The following MALRD1 variants were observed in gnomAD, a reference collection of about 807,000 sequenced individuals.
The protein encoded by MALRD1 is MAM and LDL-receptor class A domain-containing protein 1.
A neutral mutation model predicts 242.1 loss-of-function variants in MALRD1; 247 were observed. That is an observed-to-expected ratio of 1.02 (90% CI 0.92 to 1.13). MALRD1 has a LOEUF of 1.13. Ranked by LOEUF, MALRD1 falls within the 50% of genes most tolerant of loss-of-function variation. The probability of loss-of-function intolerance (pLI) is 0.00; values close to 1 mark genes in which losing one functional copy is unlikely to be tolerated. For missense variants in MALRD1, 2,989 were observed against 2,533.1 expected, an observed-to-expected ratio of 1.18 and a Z score of -3.86; for synonymous variants, 995 against 866.6, an observed-to-expected ratio of 1.15 and a Z score of -2.60.
intron 28 of MALRD1, among the ~76,000 whole-genome samples, chr10:19,448,880 C>A (rs1835152408): frequency 6.6e-6 from 1 of 151,840 alleles, no homozygotes; most frequent in Non-Finnish European, 1.5e-5. Flanking sequence ...TATCACTTTT[C>A]CTCCTAACTG....
chr10:19,283,653 G>A (rs1364618452), intron 21 of MALRD1, among the ~76,000 whole-genome samples: 3 of 151,708 alleles, frequency 2.0e-5, no homozygotes, highest in Non-Finnish European at 1.5e-5. Context: ...ACAGGTAAAT[G>A]TGCAGATTTT....
intron 33 of MALRD1, among the ~76,000 whole-genome samples, chr10:19,590,942 T>G (rs933983329): frequency 6.6e-6 from 1 of 152,206 alleles, no homozygotes; most frequent in African/African-American, 2.4e-5. Context: ...CTCTTTGTGT[T>G]GAAAGTTCTG....
intron 18 of MALRD1, among the ~76,000 whole-genome samples, chr10:19,243,499 A>C (rs1269472991): frequency 6.6e-6 from 1 of 152,136 alleles, no homozygotes; most frequent in African/African-American, 2.4e-5. Context: ...TTGAAGCAGA[A>C]TTTTTGTTGC....
At chr10:19,213,888 A>T (rs7070471) in intron 18 of MALRD1, among the ~76,000 whole-genome samples, 1 of 151,956 alleles carries the variant, frequency 6.6e-6, no homozygotes, top group Admixed American at 6.5e-5. Context: ...ACCAGTTCTC[A>T]TTTTAGAGCT....
intron 36 of MALRD1, among the ~76,000 whole-genome samples, chr10:19,631,272 A>G (rs1639982192): frequency 6.6e-6 from 1 of 152,102 alleles, no homozygotes; most frequent in African/African-American, 2.4e-5. Context: ...GCATTAGTTT[A>G]CTAAGGATGA....
intron 26 of MALRD1, among the ~76,000 whole-genome samples, chr10:19,386,119 C>T (rs1264019083): frequency 6.6e-6 from 1 of 152,110 alleles, no homozygotes. Flanking sequence ...TTCAATGTGG[C>T]ATTCCATTCA....
chr10:19,715,385 G>T (rs1834336627), intron 38 of MALRD1, among the ~76,000 whole-genome samples: 1 of 150,268 alleles, frequency 6.7e-6, no homozygotes, highest in South Asian at 2.1e-4. Flanking sequence ...TATATTTAAA[G>T]TATATATATA....
intron 21 of MALRD1, among the ~76,000 whole-genome samples, chr10:19,305,081 T>C (rs1842106296): frequency 6.6e-6 from 1 of 151,690 alleles, no homozygotes; most frequent in African/African-American, 2.4e-5. Flanking sequence ...CTGAATGACT[T>C]TATCAACTGA....
At chr10:19,520,309 TAA>T (rs554149081) in intron 31 of MALRD1, among the ~76,000 whole-genome samples, 3 of 143,278 alleles carry the variant, frequency 2.1e-5, no homozygotes. Context: ...GTTTGTTTTC[TAA>T]AAAAAAAAAA....
At chr10:19,187,818 G>A (rs1232186403) in intron 14 of MALRD1, among the ~76,000 whole-genome samples, 2 of 152,168 alleles carry the variant, frequency 1.3e-5, no homozygotes, top group African/African-American at 4.8e-5. Context: ...GGAGGGTGGA[G>A]AGGTGGGTAG....
intron 4 of MALRD1, among the ~76,000 whole-genome samples, chr10:19,093,601 A>G (rs1588531538): frequency 6.0e-5 from 1 of 16,732 alleles, no homozygotes; most frequent in African/African-American, 2.8e-4. Context: ...CGTCAAAATC[A>G]TTCTCCATCC....
At chr10:19,252,943 C>T (rs1445561915) in intron 18 of MALRD1, among the ~76,000 whole-genome samples, 1 of 151,912 alleles carries the variant, frequency 6.6e-6, no homozygotes, top group African/African-American at 2.4e-5. Context: ...ATAGTTCCCT[C>T]AGTATTGGCC....
chr10:19,064,228 A>G (rs1011839703), intron 1 of MALRD1, among the ~76,000 whole-genome samples: 1 of 152,014 alleles, frequency 6.6e-6, no homozygotes, highest in African/African-American at 2.4e-5. Flanking sequence ...CCTGTATAGC[A>G]CTCCTAATTG....
chr10:19,604,407 A>C (rs1322987183), intron 34 of MALRD1, among the ~76,000 whole-genome samples: 1 of 152,180 alleles, frequency 6.6e-6, no homozygotes, highest in Admixed American at 6.5e-5. Context: ...CTCCAGCCTA[A>C]TCTATGGCAA....
rs771042290 is a variant in MALRD1, at chr10:19,692,454, C to A, written c.6218-4C>A. On this transcript the variant is annotated splice_region_variant and splice_polypyrimidine_tract_variant and intron_variant, in intron 37 of 39. Transcript: ENST00000454679. ...TTATCTTTTTCTTTGGTTTAAAATT[C>A]CAGATACATGGACTCTCCTGGGTAT... 4 of 1,534,932 alleles carry A rather than the reference C, an allele frequency of 2.6e-6. No homozygotes were observed. The highest frequency in any genetic ancestry group is 2.4e-5 in the South Asian group (2 of 83,942).
Position 19,530,388 on chromosome 10 carries a change from A to AAAT in MALRD1, c.5321-806_5321-805insAAT, listed in dbSNP as rs1834320399. Among the ~76,000 whole-genome samples, 34 of 78,066 alleles carry AAAT rather than the reference A, an allele frequency of 4.4e-4. 2 individuals carry two copies. The South Asian group carries it at 0.013, about 29-fold the overall frequency. The allele number at this position is 78,066 out of a possible 152,430, so 51.2% of individuals were successfully genotyped here. A position where few individuals can be genotyped will look rare whatever the true frequency, so the allele number is the denominator to read the frequency against. On this transcript the variant is annotated intron_variant, in intron 31 of 39. Transcript: ENST00000454679. ...ATAAATATTTATATAAATATTATAT[A>AAAT]TTTATATAAATATTATATATTTATA...
rs914550715 is a variant in MALRD1 at position 19,209,658 on chromosome 10, T to G, written c.2969T>G (p.Ile990Ser). 6.5e-7 allele frequency: 1 copy of G among 1,549,366 alleles called. No homozygotes were observed. Reference sequence around the variant, plus strand: ...AGATGGATTAGGAAACACCTCAACATTTCCAGCAGGCAGCCCTTTCAGGTA... The same window carrying G: ...AGATGGATTAGGAAACACCTCAACAGTTCCAGCAGGCAGCCCTTTCAGGTA... ...GNRWIRKHLN[I>S]SSRQPFQILV... Residue 990 changes from isoleucine (I) to serine (S), a missense_variant, in exon 18 of 40, where the codon ATT becomes AGT. Ile to Ser is a moderately radical substitution (Grantham distance 142, BLOSUM62 -2). Transcript: ENST00000454679.
chr10:19,554,487 A>G (rs978678962), intron 32 of MALRD1, among the ~76,000 whole-genome samples: 7 of 152,076 alleles, frequency 4.6e-5, no homozygotes, highest in Admixed American at 6.6e-5. Context: ...CTATCAACCT[A>G]TAACCTAAGT....
At chr10:19,131,093 T>C (rs1833085319) in intron 8 of MALRD1, among the ~76,000 whole-genome samples, 1 of 152,104 alleles carries the variant, frequency 6.6e-6, no homozygotes, top group African/African-American at 2.4e-5. Flanking sequence ...TATACATATG[T>C]TGCTCGCTGA....
Sources: allele counts gnomAD v4.1 joint callset (sites outside exome capture counted in the v4.1 genomes callset), GRCh38; gene constraint gnomAD v4.1.1; transcripts MANE v1.5; gene names NCBI Gene and HGNC (gene_info 2026-07-23, HGNC 2026-07-21).